RNF130: variants seen among roughly 807,000 people sequenced by gnomAD.
RNF130 encodes E3 ubiquitin-protein ligase RNF130.
A neutral mutation model predicts 44.6 loss-of-function variants in RNF130; 21 were observed. The ratio of observed to expected loss-of-function variants is 0.47; its 90% CI spans 0.33 to 0.68. RNF130 has a LOEUF of 0.68. RNF130 is among the 30% of genes least tolerant of loss of function. The probability of loss-of-function intolerance (pLI) is 0.02; values close to 1 mark genes in which losing one functional copy is unlikely to be tolerated. For missense variants in RNF130, 479 were observed against 560.6 expected, an observed-to-expected ratio of 0.85 and a Z score of 1.47; for synonymous variants, 214 against 210.4, an observed-to-expected ratio of 1.02 and a Z score of -0.15.
At chr5:179,948,566 G>T (rs1429269749) in intron 7 of RNF130, among the ~76,000 whole-genome samples, 2 of 152,124 alleles carry the variant, frequency 1.3e-5, no homozygotes, top group Non-Finnish European at 2.9e-5. Flanking sequence ...AGCTACTCAG[G>T]AGGCTGAGGC....
chr5:180,003,520 T>C (rs1763394842), intron 3 of RNF130, among the ~76,000 whole-genome samples: 1 of 152,230 alleles, frequency 6.6e-6, no homozygotes, highest in African/African-American at 2.4e-5. Flanking sequence ...TAATTTTTCT[T>C]TGGACTTGGC....
intron 2 of RNF130, among the ~76,000 whole-genome samples, chr5:180,023,867 T>C (rs1763929145): frequency 6.6e-6 from 1 of 152,202 alleles, no homozygotes; most frequent in South Asian, 2.1e-4. Context: ...AAAGTTATCA[T>C]ATGGCAGGGG....
intron 7 of RNF130, among the ~76,000 whole-genome samples, chr5:179,936,908 C>T (rs1761897273): frequency 6.6e-6 from 1 of 151,994 alleles, no homozygotes; most frequent in Non-Finnish European, 1.5e-5. Context: ...TATCCACATG[C>T]AAAAAAATGG....
At chr5:179,996,377 G>GA (rs1281571688) in intron 3 of RNF130, among the ~76,000 whole-genome samples, 1 of 152,204 alleles carries the variant, frequency 6.6e-6, no homozygotes, top group Non-Finnish European at 1.5e-5. Context: ...AGTGGTGAAA[G>GA]TGGGCATCCT....
At position 180,004,286 on chromosome 5, in the gene RNF130, G is replaced by A. The variant is rs184570728; in HGVS notation, c.693+8775C>T. Among the ~76,000 whole-genome samples the A allele has an allele frequency of 1.6e-4, 24 of 152,188 alleles. No individual in the cohort carries two copies. In the East Asian group the frequency reaches 3.1e-3, roughly 20 times the overall value. ...CGCTACCCACTCACTGATATTCTCC[G>A]TACTTCACACTGTGCCCTATTCCTT... On this transcript the variant is annotated intron_variant, in intron 3 of 8. Transcript: ENST00000521389.
intron 6 of RNF130, among the ~76,000 whole-genome samples, chr5:179,968,827 A>G (rs999833613): frequency 6.6e-6 from 1 of 152,180 alleles, no homozygotes; most frequent in African/African-American, 2.4e-5. Context: ...CTGTGGTGCC[A>G]TGCTACTAGC....
chr5:180,014,439 G>A (rs1014653728), intron 2 of RNF130, among the ~76,000 whole-genome samples: 38 of 152,166 alleles, frequency 2.5e-4, no homozygotes, highest in African/African-American at 8.9e-4. Flanking sequence ...GGGGTCATTA[G>A]AAGGGAAATA....
chr5:180,024,901 G>C (rs1463762151), intron 2 of RNF130, among the ~76,000 whole-genome samples: 1 of 152,156 alleles, frequency 6.6e-6, no homozygotes, highest in East Asian at 1.9e-4. Context: ...AGCTCTCCTG[G>C]GGGTGTCTGG....
chr5:179,929,966 C>T (rs184295580), intron 7 of RNF130, among the ~76,000 whole-genome samples: 11 of 152,232 alleles, frequency 7.2e-5, no homozygotes, highest in East Asian at 1.9e-4. Flanking sequence ...AAAAGCCTTG[C>T]GTATCTTCTC....
intron 3 of RNF130, among the ~76,000 whole-genome samples, chr5:180,010,960 G>A (rs934872296): frequency 3.9e-5 from 6 of 152,188 alleles, no homozygotes; most frequent in East Asian, 1.9e-4. Flanking sequence ...TTGCATCCAT[G>A]CCAATTTCCA....
intron 8 of RNF130, among the ~76,000 whole-genome samples, chr5:179,958,761 A>G (rs1332345772): frequency 2.0e-5 from 3 of 152,160 alleles, no homozygotes. Flanking sequence ...ATCTCGGCTC[A>G]CTGCAACCTT....
Position 179,966,845 on chromosome 5 carries a change from G to C in RNF130, c.1111C>G (p.Leu371Val), listed in dbSNP as rs751090260. The C allele has an allele frequency of 5.6e-6, 9 of 1,614,058 alleles. No homozygotes were observed. Among genetic ancestry groups the C allele is most frequent in the African/African-American group, 1.3e-5 (1 of 74,932 alleles). ...TTGATTTCTCCTGTTCTCGGAGTGA[G>C]CTCCCCATCCTGAGGAAGAGGTGAG... ...GISPLPQDGELTPRTGEINIA... is the reference protein window; with the variant it reads ...GISPLPQDGEVTPRTGEINIA... The change falls in exon 7 of 9, where the codon CTC becomes GTC. Residue 371 changes from leucine to valine, a missense_variant. Around this residue, in one of 3 missense-constraint regions of RNF130, gnomAD observed 161 missense variants for 158.6 expected, o/e 1.02. Transcript: ENST00000521389.
At chr5:180,051,664 G>A (rs910579591) in intron 1 of RNF130, among the ~76,000 whole-genome samples, 1 of 152,164 alleles carries the variant, frequency 6.6e-6, no homozygotes, top group African/African-American at 2.4e-5. Flanking sequence ...GTCAGCAGCC[G>A]TCCATCATTG....
intron 7 of RNF130, among the ~76,000 whole-genome samples, chr5:179,942,595 A>G (rs1341275060): frequency 3.3e-5 from 5 of 152,306 alleles, no homozygotes; most frequent in Middle Eastern, 3.4e-3. Context: ...GGAATTGTTG[A>G]TGCGGATGCA....
At chr5:180,005,830 A>C (rs570032958) in intron 3 of RNF130, among the ~76,000 whole-genome samples, 1 of 152,178 alleles carries the variant, frequency 6.6e-6, no homozygotes, top group Non-Finnish European at 1.5e-5. Flanking sequence ...CTCATTCTTG[A>C]ATTCATTGAA....
intron 2 of RNF130, among the ~76,000 whole-genome samples, chr5:180,031,004 GAAGAT>G (rs967893852): frequency 2.0e-5 from 3 of 152,308 alleles, no homozygotes; most frequent in African/African-American, 7.2e-5. Flanking sequence ...TCAATGGGAA[GAAGAT>G]AAGGATGAAA....
intron 2 of RNF130, among the ~76,000 whole-genome samples, chr5:180,037,239 C>T (rs752319593): frequency 1.1e-4 from 17 of 152,084 alleles, no homozygotes; most frequent in Non-Finnish European, 2.1e-4. Flanking sequence ...TGCACATGTG[C>T]GAGAGTAACA....
At position 179,968,071 on chromosome 5, in the gene RNF130, A is replaced by G. The variant is rs375451082; in HGVS notation, c.946-1061T>C. Among the ~76,000 whole-genome samples the G allele has an allele frequency of 4.9e-4, 74 of 152,104 alleles. No homozygotes were observed. The East Asian group carries it at 0.011, about 24-fold the overall frequency. ...AGCACTTTGGGAGGCCGAGGCGGGC[A>G]GATCACGAGGTCAGGAGATCGAGAC... On this transcript the variant is annotated intron_variant, in intron 6 of 8. Transcript: ENST00000521389.
At position 179,929,839 on chromosome 5, in the gene RNF130, A is replaced by G. The variant is rs114826348; in HGVS notation, c.1151-9413T>C. On this transcript the variant is annotated intron_variant, in intron 7 of 7. Transcript: ENST00000522208. Reference sequence around the variant, plus strand: ...GTGTGACCGAAATCACAGTAAGTCTATAAGTCACTTTGGGGAGAGCTAACA... The same window carrying G: ...GTGTGACCGAAATCACAGTAAGTCTGTAAGTCACTTTGGGGAGAGCTAACA... 4.0e-3 allele frequency among the ~76,000 whole-genome samples: 614 copies of G among 152,226 alleles called. 6 individuals carry two copies. The highest frequency in any genetic ancestry group is 0.013 in the African/African-American group (520 of 41,526).
Sources: allele counts gnomAD v4.1 joint callset (sites outside exome capture counted in the v4.1 genomes callset), GRCh38; gene constraint gnomAD v4.1.1; regional missense constraint gnomAD v4.1.1; transcripts MANE v1.5; gene names NCBI Gene and HGNC (gene_info 2026-07-23, HGNC 2026-07-21).